Variants in MYADM observed in about 807,000 individuals in gnomAD.
MYADM encodes the protein myeloid-associated differentiation marker.
For missense variants in MYADM, 416 were observed against 443.4 expected (o/e 0.94, Z 0.56); for synonymous variants, 224 against 210.2 (o/e 1.07, Z -0.57).
chr19:53,874,016 G>A lies in MYADM; in HGVS notation c.487G>A (p.Gly163Ser), dbSNP rs889083260. 2 of 1,608,424 alleles carry A rather than the reference G, an allele frequency of 1.2e-6. No homozygotes were observed. The highest frequency in any genetic ancestry group is 2.7e-5 in the African/African-American group (2 of 74,938). The change falls in exon 3 of 3, where the codon GGC (glycine) becomes AGC (serine). Residue 163 changes from glycine to serine, a missense_variant. Physicochemically the swap from Gly to Ser is moderately conservative, Grantham distance 56. Transcript: ENST00000391770. Reference sequence around the variant, plus strand: ...AGTGGCCTGGACCCGGGCCCGGCCCGGCGAGATCACTGGCTATATGGCCAC... The same window carrying A: ...AGTGGCCTGGACCCGGGCCCGGCCCAGCGAGATCACTGGCTATATGGCCAC... ...TEVAWTRARP[G>S]EITGYMATVP...
At chr19:53,869,061 G>A (rs2068302830) in intron 1 of MYADM, 2 of 152,346 alleles carry the variant, frequency 1.3e-5, no homozygotes, top group Admixed American at 1.3e-4. Flanking sequence ...GGCAGGCAGT[G>A]TCTGGCTCCG....
rs2068535206 is a variant in MYADM, at chr19:53,876,267, T to C, written c.*1769T>C. 6.2e-6 allele frequency: 1 copy of C among 160,988 alleles called. No individual in the cohort carries two copies. Among genetic ancestry groups the C allele is most frequent in the Admixed American group, 6.7e-5 (1 of 14,870 alleles). 10.0% of individuals were successfully genotyped at this position (160,988 alleles called of 1,614,324 possible). A position where few individuals can be genotyped will look rare whatever the true frequency, so the allele number is the denominator to read the frequency against. ...GGACTCACATACATAACGTGATATA[T>C]ATATATATATATATAAATGTATAAA... On this transcript the variant is annotated 3_prime_UTR_variant, in exon 3 of 3. Transcript: ENST00000391770.
rs1185632546 is a variant in MYADM, at chr19:53,874,948, C to G, written c.*450C>G. ...GAGCTGCCGCACCCAGCCTGTTTCT[C>G]TTTTTCCACTCTTCTTTTTTCTCAT... On this transcript the variant is annotated 3_prime_UTR_variant, in exon 3 of 3. Coordinates refer to ENST00000391770, the MANE Select transcript of MYADM (RefSeq NM_138373.5). 6.0e-6 allele frequency: 1 copy of G among 167,498 alleles called. No homozygotes were observed. Among genetic ancestry groups the G allele is most frequent in the African/African-American group, 2.4e-5 (1 of 41,368 alleles). 10.4% of individuals were successfully genotyped at this position (167,498 alleles called of 1,614,324 possible). A position where few individuals can be genotyped will look rare whatever the true frequency, so the allele number is the denominator to read the frequency against.
At position 53,875,135 on chromosome 19, in the gene MYADM, C is replaced by T. The variant is rs2068501881; in HGVS notation, c.*637C>T. 1 of 166,786 alleles carries T rather than the reference C, an allele frequency of 6.0e-6. No homozygotes were observed. Among genetic ancestry groups the T allele is most frequent in the Non-Finnish European group, 1.5e-5 (1 of 68,368 alleles). 10.3% of individuals were successfully genotyped at this position (166,786 alleles called of 1,614,324 possible). A position where few individuals can be genotyped will look rare whatever the true frequency, so the allele number is the denominator to read the frequency against. On this transcript the variant is annotated 3_prime_UTR_variant, in exon 3 of 3. Coordinates refer to ENST00000391770, the MANE Select transcript of MYADM (RefSeq NM_138373.5). ...CCCTTGCAGCCGTCCATGCCACAGC[C>T]CCCCAAGGGGCCCCATTGCCAAAGC...
At chr19:53,872,044 G>A (rs573180044) in intron 2 of MYADM, among the ~76,000 whole-genome samples, 4 of 151,818 alleles carry the variant, frequency 2.6e-5, no homozygotes, top group African/African-American at 7.3e-5. Context: ...GATTACAAGC[G>A]CCCACCACCA....
At chr19:53,870,405 G>A (rs1385631824) in intron 2 of MYADM, among the ~76,000 whole-genome samples, 4 of 148,102 alleles carry the variant, frequency 2.7e-5, no homozygotes, top group Non-Finnish European at 4.5e-5. Flanking sequence ...GGGAGGAGGG[G>A]CTGGGGGCCT....
rs2122946235 is a variant in MYADM at position 53,874,355 on chromosome 19, G to A, written c.826G>A (p.Asp276Asn). ...KYGGQPRRSR[D>N]VSCSRSHAYY... ...TGGCGGCCAGCCTCGGCGCTCGAGA[G>A]ATGTAAGCTGCAGCCGCAGCCATGC... Residue 276 changes from aspartate to asparagine, a missense_variant, in exon 3 of 3, where the codon GAT becomes AAT. Asp to Asn is a conservative substitution (Grantham distance 23, BLOSUM62 1). Coordinates refer to ENST00000391770, the MANE Select transcript of MYADM (RefSeq NM_138373.5). 1 of 1,614,148 alleles carries A rather than the reference G, an allele frequency of 6.2e-7. No individual in the cohort carries two copies. The highest frequency in any genetic ancestry group is 8.5e-7 in the Non-Finnish European group (1 of 1,179,964).
In MYADM at chr19:53,874,897, TC is replaced by T; in HGVS notation, c.*402del. ...TTCAAGCGATTCTCCTGCCCCAGCC[TC>T]CCAAGTAGCTGGGAGGACAGGTGTG... is the stretch of plus-strand genomic sequence containing the variant. On this transcript the variant is annotated 3_prime_UTR_variant, in exon 3 of 3. Transcript: ENST00000391770. The T allele has an allele frequency of 5.9e-6, 1 of 168,494 alleles. No individual in the cohort carries two copies. The allele number at this position is 168,494 out of a possible 1,614,324, so 10.4% of individuals were successfully genotyped here.
At position 53,874,495 on chromosome 19, in the gene MYADM, CTA is replaced by C; in HGVS notation, c.967_968del (p.Ter323ArgfsTer54). ...HSAHLVFVKV* is the reference protein window; with the variant it reads ...HSAHLVFVKVX ...CTGCCCACCTGGTTTTTGTCAAGGT[CTA>C]AGACTCTCCCAAGAGGCTCCCGTTC... On this transcript the variant is annotated frameshift_variant and stop_lost, in exon 3 of 3. Coordinates refer to ENST00000391770, the MANE Select transcript of MYADM (RefSeq NM_138373.5). LOFTEE classifies it high-confidence loss of function. The C allele has an allele frequency of 6.3e-7, 1 of 1,593,722 alleles. No homozygotes were observed. The highest frequency in any genetic ancestry group is 2.3e-5 in the East Asian group (1 of 44,408).
At chr19:53,866,684 C>T (rs2068251055), upstream of MYADM, among the ~76,000 whole-genome samples, 1 of 152,120 alleles carries the variant, frequency 6.6e-6, no homozygotes, top group Admixed American at 6.5e-5. This position sits in a 1 kb window ranked among gnomAD's most constrained non-coding sequence, Gnocchi z 4.3. Flanking sequence ...GCCCCATCCT[C>T]ATTAAAATTC....
Position 53,868,454 on chromosome 19 carries a change from T to C in MYADM, c.-88+511T>C, listed in dbSNP as rs879502192. ...GGTTTGGGAATGAGAATGGAAGGAATTCAGAATTACTGACCCCTCCCCATC... is the reference window on the plus strand; with the variant it reads ...GGTTTGGGAATGAGAATGGAAGGAACTCAGAATTACTGACCCCTCCCCATC... On this transcript the variant is annotated intron_variant, in intron 1 of 2. Coordinates refer to ENST00000391770, the MANE Select transcript of MYADM (RefSeq NM_138373.5). The surrounding 1 kb of genome is among the most constrained non-coding windows in gnomAD (Gnocchi z 6.3). Among the ~76,000 whole-genome samples, 18 of 151,222 alleles carry C rather than the reference T, an allele frequency of 1.2e-4. No homozygotes were observed. Among genetic ancestry groups the C allele is most frequent in the Non-Finnish European group, 2.2e-4 (15 of 67,844 alleles).
At position 53,876,269 on chromosome 19, in the gene MYADM, T is replaced by C. The variant is rs1014419247; in HGVS notation, c.*1771T>C. Reference sequence around the variant, plus strand: ...ACTCACATACATAACGTGATATATATATATATATATATAAATGTATAAATA... The same window carrying C: ...ACTCACATACATAACGTGATATATACATATATATATATAAATGTATAAATA... On this transcript the variant is annotated 3_prime_UTR_variant, in exon 3 of 3. Coordinates refer to ENST00000391770, the MANE Select transcript of MYADM (RefSeq NM_138373.5). 5.5e-5 allele frequency: 9 copies of C among 162,174 alleles called. No individual in the cohort carries two copies. The highest frequency in any genetic ancestry group is 2.2e-4 in the African/African-American group (9 of 40,886). The allele number at this position is 162,174 out of a possible 1,614,324, so 10.0% of individuals were successfully genotyped here.
chr19:53,873,922 C>T lies in MYADM; in HGVS notation c.393C>T (p.Gly131=), dbSNP rs2122940057. The T allele has an allele frequency of 6.2e-7, 1 of 1,612,230 alleles. No individual in the cohort carries two copies. Among genetic ancestry groups the T allele is most frequent in the Non-Finnish European group, 8.5e-7 (1 of 1,180,022 alleles). Residue 131 remains glycine, a synonymous_variant, in exon 3 of 3, where the codon GGC becomes GGT. Transcript: ENST00000391770. The surrounding 1 kb of genome is among the most constrained non-coding windows in gnomAD (Gnocchi z 4.3). ...PTTYVQFLSH[G]RSRDHAIAAT... ...CCTATGTCCAGTTCCTGTCCCACGG[C>T]CGTTCGCGGGACCACGCCATCGCCG...
In MYADM at chr19:53,873,930, G is replaced by A. The variant is rs763442113; in HGVS notation, c.401G>A (p.Arg134Gln). The A allele has an allele frequency of 3.2e-5, 51 of 1,611,656 alleles. No individual in the cohort carries two copies. The highest frequency in any genetic ancestry group is 4.2e-5 in the Non-Finnish European group (49 of 1,180,030). The change falls in exon 3 of 3, where the codon CGG (arginine) becomes CAG (glutamine). Residue 134 changes from arginine to glutamine, a missense_variant. Transcript: ENST00000391770. The surrounding 1 kb of genome is among the most constrained non-coding windows in gnomAD (Gnocchi z 4.3). ...YVQFLSHGRS[R>Q]DHAIAATFFS... The stretch of plus-strand genomic sequence containing the variant: ...CAGTTCCTGTCCCACGGCCGTTCGC[G>A]GGACCACGCCATCGCCGCCACCTTC...
chr19:53,870,764 T>G (rs1321163465), intron 2 of MYADM, among the ~76,000 whole-genome samples: 2 of 152,246 alleles, frequency 1.3e-5, no homozygotes, highest in South Asian at 4.1e-4. Flanking sequence ...AGGAAAGAAC[T>G]GGGCACCTGG....
At chr19:53,872,797 A>G (rs2068419807) in intron 2 of MYADM, 1 of 152,422 alleles carries the variant, frequency 6.6e-6, no homozygotes, top group Non-Finnish European at 1.5e-5. Context: ...GGCATCAGCC[A>G]CACCTGTGCC....
intron 2 of MYADM, among the ~76,000 whole-genome samples, chr19:53,870,556 G>C (rs1162743774): frequency 6.6e-6 from 1 of 152,140 alleles, no homozygotes; most frequent in African/African-American, 2.4e-5. Context: ...AGACACTGAG[G>C]TATCTGAGGA....
rs1196897178 is a variant in MYADM, at chr19:53,868,484, G to A, written c.-88+541G>A. 1.3e-5 allele frequency among the ~76,000 whole-genome samples: 2 copies of A among 151,954 alleles called. No individual in the cohort carries two copies. The highest frequency in any genetic ancestry group is 1.3e-4 in the Admixed American group (2 of 15,254). On this transcript the variant is annotated intron_variant, in intron 1 of 2. Coordinates refer to ENST00000391770, the MANE Select transcript of MYADM (RefSeq NM_138373.5). The surrounding 1 kb of genome is among the most constrained non-coding windows in gnomAD (Gnocchi z 6.3). The stretch of plus-strand genomic sequence containing the variant: ...AATTACTGACCCCTCCCCATCCAGG[G>A]GACAGACAGAATCGGAACTTTGGGC...
intron 2 of MYADM, among the ~76,000 whole-genome samples, chr19:53,872,091 G>C (rs1033513094): frequency 1.3e-5 from 2 of 151,940 alleles, no homozygotes; most frequent in Admixed American, 6.6e-5. Flanking sequence ...TAGAGACGGG[G>C]TTTCACCATG....
Sources: gnomAD v4.1 joint callset for allele counts (sites outside exome capture counted in the v4.1 genomes callset) on GRCh38, gnomAD v4.1.1 for gene constraint, Gnocchi (gnomAD v3.1) non-coding constraint, MANE v1.5 for transcripts, NCBI Gene and HGNC (gene_info 2026-07-23, HGNC 2026-07-21) for gene names.